ABCA8: variants seen among roughly 807,000 people sequenced by gnomAD.
ABCA8 encodes the protein ABC-type organic anion transporter ABCA8.
A neutral mutation model predicts 192.3 loss-of-function variants in ABCA8; 177 were observed. That is an observed-to-expected ratio of 0.92 (90% CI 0.81 to 1.04). ABCA8 has a LOEUF of 1.04. Among genes scored for constraint, ABCA8 ranks in the 50% least tolerant of loss-of-function variants. ABCA8 has a pLI of 0.00. For missense variants in ABCA8, 1,915 were observed against 1,904.8 expected (o/e 1.01, Z -0.10); for synonymous variants, 642 against 690.2 (o/e 0.93, Z 1.09).
chr17:68,893,882 C>T, intron 23 of ABCA8, among the ~76,000 whole-genome samples: 1 of 110,876 alleles, frequency 9.0e-6, no homozygotes, highest in Non-Finnish European at 1.8e-5. Context: ...GCTATCCCTC[C>T]CCCCTCCCCC....
chr17:68,951,118 T>A (rs2068556111), intron 1 of ABCA8, among the ~76,000 whole-genome samples: 2 of 152,146 alleles, frequency 1.3e-5, no homozygotes, highest in African/African-American at 4.8e-5. Context: ...GATCAGCAGT[T>A]TCTTAGGAAC....
rs900423171 is a variant in ABCA8 at position 68,875,500 on chromosome 17, T to C, written c.4491-100A>G. ...GCTAGCATTGTCTCAAGGTCCCTAT[T>C]GTTAGACCTGGGCACAGTCATTTCA... On this transcript the variant is annotated intron_variant, in intron 36 of 39. Transcript: ENST00000586539. 3.1e-6 allele frequency: 5 copies of C among 1,592,350 alleles called. No homozygotes were observed. In the African/African-American group the frequency reaches 6.7e-5, roughly 21 times the overall value.
intron 1 of ABCA8, among the ~76,000 whole-genome samples, chr17:68,954,252 C>G (rs1308479585): frequency 6.8e-6 from 1 of 146,876 alleles, no homozygotes; most frequent in Non-Finnish European, 1.5e-5. Context: ...TGCACAAGCC[C>G]AAATATATCA....
chr17:68,895,208 T>C (rs1369092915), intron 21 of ABCA8, among the ~76,000 whole-genome samples, 195 bp from the exon 22 acceptor site: 1 of 152,180 alleles, frequency 6.6e-6, no homozygotes. Flanking sequence ...ATGATTATTA[T>C]TAATGTAAAA....
chr17:68,939,564 C>A (rs1169127698), intron 4 of ABCA8, among the ~76,000 whole-genome samples: 2 of 152,116 alleles, frequency 1.3e-5, no homozygotes, highest in Non-Finnish European at 2.9e-5. Flanking sequence ...AGTTGCTAAT[C>A]TGGGAGGGCT....
rs2066071489 is a variant in ABCA8, at chr17:68,872,017, A to G, written c.4632-2238T>C. Among the ~76,000 whole-genome samples the G allele has an allele frequency of 2.6e-5, 4 of 152,202 alleles. No individual in the cohort carries two copies. In the South Asian group the frequency reaches 8.3e-4, roughly 31 times the overall value. Reference sequence around the variant, plus strand: ...GCAGGTCCTTCGGGAGGTGTTTCAGAAGAAGGCATTGCACAGGGATCTACA... The same window carrying G: ...GCAGGTCCTTCGGGAGGTGTTTCAGGAGAAGGCATTGCACAGGGATCTACA... On this transcript the variant is annotated intron_variant, in intron 37 of 39. Transcript: ENST00000586539.
chr17:68,888,940 A>T (rs372625521), intron 24 of ABCA8, among the ~76,000 whole-genome samples: 4 of 152,228 alleles, frequency 2.6e-5, no homozygotes, highest in Admixed American at 1.3e-4. Context: ...AGGAATGAGA[A>T]TCTCCAAAGG....
intron 1 of ABCA8, among the ~76,000 whole-genome samples, chr17:68,954,806 C>G (rs909375662): frequency 1.3e-5 from 2 of 152,134 alleles, no homozygotes; most frequent in Admixed American, 1.3e-4. Context: ...CAGAAGAACA[C>G]TTATCCAAAA....
At chr17:68,913,675 T>C (rs148846536) in intron 17 of ABCA8, among the ~76,000 whole-genome samples, 85 of 152,102 alleles carry the variant, frequency 5.6e-4, no homozygotes, top group African/African-American at 2.0e-3. Context: ...TCTACCAAGA[T>C]TGAACCGTGA....
At chr17:68,897,357 C>T (rs2066792599) in intron 21 of ABCA8, among the ~76,000 whole-genome samples, 1 of 152,188 alleles carries the variant, frequency 6.6e-6, no homozygotes, top group Admixed American at 6.5e-5. Flanking sequence ...ACAATAATCA[C>T]AAGCTTCAAG....
chr17:68,893,608 A>C (rs1040059593), intron 23 of ABCA8, among the ~76,000 whole-genome samples: 20 of 144,982 alleles, frequency 1.4e-4, no homozygotes, highest in African/African-American at 4.6e-4. Context: ...TCATTCGTTC[A>C]TTCCTTCCTT....
chr17:68,936,560 G>A (rs1028471478), intron 5 of ABCA8, among the ~76,000 whole-genome samples: 9 of 151,984 alleles, frequency 5.9e-5, no homozygotes, highest in Non-Finnish European at 1.0e-4. Flanking sequence ...CCAGTATCAT[G>A]CTGTTTTAGT....
intron 24 of ABCA8, among the ~76,000 whole-genome samples, 166 bp downstream of exon 24, chr17:68,891,319 TTATC>T (rs1377438000): frequency 3.3e-5 from 5 of 152,190 alleles, no homozygotes; most frequent in Admixed American, 3.3e-4. Context: ...TATTACCTAT[TTATC>T]TATATATTTC....
At chr17:68,946,766 C>T (rs2068421003) in intron 2 of ABCA8, among the ~76,000 whole-genome samples, 1 of 152,088 alleles carries the variant, frequency 6.6e-6, no homozygotes, top group African/African-American at 2.4e-5. Context: ...TGGTGAAACC[C>T]TGTCCCTACT....
At chr17:68,923,769 TC>T (rs1380987495) in intron 11 of ABCA8, among the ~76,000 whole-genome samples, 1 of 152,186 alleles carries the variant, frequency 6.6e-6, no homozygotes, top group Non-Finnish European at 1.5e-5. Flanking sequence ...CCTGGGATAA[TC>T]TGAGACATTT....
chr17:68,929,829 A>T (rs2067809609), intron 7 of ABCA8, 127 bp from the exon 8 acceptor site: 2 of 890,978 alleles, frequency 2.2e-6, no homozygotes, highest in Admixed American at 6.0e-5. Flanking sequence ...ACATTTATTT[A>T]TTGGGTGTTC....
At chr17:68,940,208 C>T (rs537973368) in intron 4 of ABCA8, among the ~76,000 whole-genome samples, 2 of 152,052 alleles carry the variant, frequency 1.3e-5, no homozygotes, top group Admixed American at 6.6e-5. Flanking sequence ...AACCTTAACT[C>T]GTTAAGTACC....
In ABCA8 at chr17:68,929,383, C is replaced by A. The variant is rs1425434389; in HGVS notation, c.940-149G>T. 14 of 1,065,352 alleles carry A rather than the reference C, an allele frequency of 1.3e-5. No individual in the cohort carries two copies. In the East Asian group the frequency reaches 3.0e-4, roughly 23 times the overall value. 66.0% of individuals were successfully genotyped at this position (1,065,352 alleles called of 1,614,324 possible). On this transcript the variant is annotated intron_variant, in intron 8 of 39. Transcript: ENST00000586539. ...ATATAACATACAAAACTATGCTCTG[C>A]AAATTGCACTAAAAATTGACATTAC... is the stretch of plus-strand genomic sequence containing the variant.
intron 12 of ABCA8, 31 bp downstream of exon 12, chr17:68,922,211 T>TACC (rs2067559585): frequency 6.2e-4 from 60 of 96,268 alleles, no homozygotes; most frequent in Middle Eastern, 3.5e-3. Context: ...TTTTTTTTTT[T>TACC]TTTTTTTTTT....
Sources: allele counts gnomAD v4.1 joint callset (sites outside exome capture counted in the v4.1 genomes callset), GRCh38; gene constraint gnomAD v4.1.1; transcripts MANE v1.5; gene names NCBI Gene and HGNC (gene_info 2026-07-23, HGNC 2026-07-21).